Variants in ZMYM6 observed in about 807,000 individuals in gnomAD.
The protein encoded by ZMYM6 is zinc finger MYM-type protein 6.
A neutral mutation model predicts 134.0 loss-of-function variants in ZMYM6; 90 were observed. That is an observed-to-expected ratio of 0.67 (90% confidence interval 0.57 to 0.80). ZMYM6 has a LOEUF of 0.80. ZMYM6 is among the 30% of genes least tolerant of loss of function. The pLI, the probability that ZMYM6 is intolerant of heterozygous loss-of-function variation, is 0.00. For missense variants in ZMYM6, 1,362 were observed against 1,533.9 expected, an observed-to-expected ratio of 0.89 and a Z score of 1.87; for synonymous variants, 481 against 524.1, an observed-to-expected ratio of 0.92 and a Z score of 1.12.
At chr1:35,016,446 T>C (rs1049363505) in intron 4 of ZMYM6, among the ~76,000 whole-genome samples, 1 of 152,188 alleles carries the variant, frequency 6.6e-6, no homozygotes, top group Non-Finnish European at 1.5e-5. Flanking sequence ...AGCCAATTTG[T>C]AAGAGCTAAT....
intron 2 of ZMYM6, among the ~76,000 whole-genome samples, chr1:35,026,180 C>A (rs2148462327): frequency 6.6e-6 from 1 of 152,156 alleles, no homozygotes; most frequent in Middle Eastern, 3.4e-3. Flanking sequence ...ACCACCGCGC[C>A]CGGCTAATTG....
At position 34,988,446 on chromosome 1, in the gene ZMYM6, G is replaced by C; in HGVS notation, c.2636C>G (p.Ser879Cys). The change falls in exon 16 of 16, where the codon TCT becomes TGT. Residue 879 changes from serine (S) to cysteine (C), a missense_variant. This residue lies in a region of ZMYM6 where 824 missense variants were observed against 940.9 expected (regional missense o/e 0.88). Transcript: ENST00000357182. ...AGDKMKTIPL[S>C]NVTIQHRIDE... ...AATCCTGTGTTGAATTGTAACATTA[G>C]AAAGTGGAATAGTTTTCATTTTGTC... The C allele has an allele frequency of 6.4e-7, 1 of 1,551,442 alleles. No individual in the cohort carries two copies. The highest frequency in any genetic ancestry group is 8.7e-7 in the Non-Finnish European group (1 of 1,146,914).
At chr1:34,991,984 AAC>A (rs1215789372) in intron 15 of ZMYM6, 2 of 486,982 alleles carry the variant, frequency 4.1e-6, no homozygotes, top group African/African-American at 4.0e-5. Flanking sequence ...TAAAAAAAAA[AAC>A]AGGTTAAATC....
At position 35,004,138 on chromosome 1, in the gene ZMYM6, A is replaced by G. The variant is rs1640924235; in HGVS notation, c.1955-133T>C. ...AGTTTCTCAGAAAAATGGTACAAGG[A>G]AACTGCATCAGTATCACCCAGGGTG... On this transcript the variant is annotated intron_variant, in intron 13 of 15. Transcript: ENST00000357182. 4.2e-6 allele frequency: 3 copies of G among 712,360 alleles called. No homozygotes were observed. The Admixed American group carries it at 8.9e-5, about 21-fold the overall frequency. 44.1% of individuals were successfully genotyped at this position (712,360 alleles called of 1,614,324 possible).
chr1:34,995,256 T>A (rs1640763668), intron 14 of ZMYM6, among the ~76,000 whole-genome samples: 2 of 148,616 alleles, frequency 1.3e-5, no homozygotes, highest in Admixed American at 1.4e-4. Context: ...TATATAGGGT[T>A]TGGTATGATT....
chr1:35,011,078 AATAAG>A, intron 8 of ZMYM6, 42 bp from the exon 9 acceptor site: 2 of 1,571,870 alleles, frequency 1.3e-6, no homozygotes, highest in Non-Finnish European at 1.7e-6. Context: ...TCAACTGAGA[AATAAG>A]ATAACTTTGT....
rs551070143 is a variant in ZMYM6, at chr1:34,999,899, T to C, written c.1992+4069A>G. ...CACATCTACACACACAGGAGACATA[T>C]ACAAGGATATTCACTGTAGCGGATA... is the stretch of plus-strand genomic sequence containing the variant. On this transcript the variant is annotated intron_variant, in intron 14 of 15. Coordinates refer to ENST00000357182, the MANE Select transcript of ZMYM6 (RefSeq NM_007167.4). Among the ~76,000 whole-genome samples the C allele has an allele frequency of 1.3e-3, 205 of 152,264 alleles. 2 individuals are homozygous for C. Among genetic ancestry groups the C allele is most frequent in the Non-Finnish European group, 2.5e-3 (169 of 68,004 alleles).
At chr1:35,001,214 G>C (rs946642946) in intron 14 of ZMYM6, among the ~76,000 whole-genome samples, 3 of 149,970 alleles carry the variant, frequency 2.0e-5, no homozygotes, top group Non-Finnish European at 3.0e-5. Flanking sequence ...TAACTTGAGG[G>C]AGATTCACAA....
intron 2 of ZMYM6, among the ~76,000 whole-genome samples, chr1:35,029,180 C>CA (rs1277649367): frequency 5.9e-5 from 9 of 151,872 alleles, no homozygotes; most frequent in Non-Finnish European, 1.2e-4. Flanking sequence ...CATCTCAAAA[C>CA]AAAAACAAAA....
intron 3 of ZMYM6, among the ~76,000 whole-genome samples, chr1:35,019,970 C>G (rs1641275460): frequency 6.6e-6 from 1 of 152,104 alleles, no homozygotes; most frequent in Non-Finnish European, 1.5e-5. Flanking sequence ...AAACCCAGCC[C>G]AGTCTCTCTT....
intron 2 of ZMYM6, among the ~76,000 whole-genome samples, chr1:35,026,814 C>T (rs145264633): frequency 1.2e-4 from 18 of 152,184 alleles, no homozygotes; most frequent in Non-Finnish European, 2.5e-4. Context: ...AATTATTGAA[C>T]ATGTACTTTG....
At chr1:35,009,682 C>T (rs1429542447) in intron 10 of ZMYM6, among the ~76,000 whole-genome samples, 1 of 152,054 alleles carries the variant, frequency 6.6e-6, no homozygotes, top group African/African-American at 2.4e-5. Flanking sequence ...CCTATAATCC[C>T]AGCACTTTGG....
At chr1:35,018,640 T>A (rs1641248788) in intron 4 of ZMYM6, 1 of 152,212 alleles carries the variant, frequency 6.6e-6, no homozygotes, top group South Asian at 2.1e-4. Context: ...AACTATTATT[T>A]ACTGATGAGA....
At chr1:35,014,613 C>A (rs1015134489) in intron 6 of ZMYM6, 84 bp downstream of exon 6, 1 of 1,311,452 alleles carries the variant, frequency 7.6e-7, no homozygotes, top group African/African-American at 1.5e-5. Context: ...ATGGGAGGAG[C>A]TCACTCTCAT....
intron 2 of ZMYM6, among the ~76,000 whole-genome samples, chr1:35,027,975 G>A (rs1569802015): frequency 6.6e-6 from 1 of 152,212 alleles, no homozygotes; most frequent in South Asian, 2.1e-4. Flanking sequence ...AAGGCATAGA[G>A]TTCATGAGTG....
rs1432177716 is a variant in ZMYM6 at position 35,026,880 on chromosome 1, T to C, written c.93+3667A>G. On this transcript the variant is annotated intron_variant, in intron 2 of 15. Transcript: ENST00000357182. ...CAGGTCAATAAGACCAATTTCTGAC[T>C]TCAGAGAGACTGCAGTCTAGTGTGT... is the stretch of plus-strand genomic sequence containing the variant. Among the ~76,000 whole-genome samples the C allele has an allele frequency of 2.0e-5, 3 of 152,146 alleles. No individual in the cohort carries two copies. In the East Asian group the frequency reaches 5.8e-4, roughly 29 times the overall value.
chr1:34,999,088 C>T (rs1316629611), intron 14 of ZMYM6, among the ~76,000 whole-genome samples: 1 of 152,152 alleles, frequency 6.6e-6, no homozygotes, highest in Non-Finnish European at 1.5e-5. Flanking sequence ...TGCCACTGCA[C>T]TCAAGACCCT....
chr1:35,010,838 A>C lies in ZMYM6; in HGVS notation c.1261T>G (p.Leu421Val). Residue 421 changes from leucine (L) to valine (V), a missense_variant, in exon 9 of 16, where the codon TTA becomes GTA. Physicochemically the swap from Leu to Val is conservative, Grantham distance 32 (BLOSUM62 1). Around this residue, in one of 3 missense-constraint regions of ZMYM6, gnomAD observed 503 missense variants for 520.8 expected, o/e 0.97. Coordinates refer to ENST00000357182, the MANE Select transcript of ZMYM6 (RefSeq NM_007167.4). The part of the protein sequence containing the change: ...PLAEQSQQVA[L>V]THTVVKLKCQ... ...TTGAGTTTAACAACTGTATGGGTTA[A>C]AGCAACTTGCTGGGATTGTTCAGCA... The C allele has an allele frequency of 6.2e-7, 1 of 1,613,148 alleles. No individual in the cohort carries two copies.
At chr1:35,002,653 G>T (rs1640898938) in intron 14 of ZMYM6, among the ~76,000 whole-genome samples, 1 of 152,102 alleles carries the variant, frequency 6.6e-6, no homozygotes, top group Non-Finnish European at 1.5e-5. Flanking sequence ...GAGCACTACT[G>T]CTAATATTCT....
Sources: gnomAD v4.1 joint callset for allele counts (sites outside exome capture counted in the v4.1 genomes callset) on GRCh38, gnomAD v4.1.1 for gene constraint, gnomAD v4.1.1 regional missense constraint, MANE v1.5 for transcripts, NCBI Gene and HGNC (gene_info 2026-07-23, HGNC 2026-07-21) for gene names.